CHAF1A: variants seen among roughly 807,000 people sequenced by gnomAD.
The protein encoded by CHAF1A is chromatin assembly factor 1 subunit A, also known as CAF-1 subunit A.
Under a neutral mutation model 93.2 loss-of-function variants are expected in CHAF1A, and 5 were observed. That is an observed-to-expected ratio of 0.05 (90% CI 0.03 to 0.11). The LOEUF is 0.11. Among genes scored for constraint, CHAF1A ranks in the 10% least tolerant of loss-of-function variants. The pLI is 1.00. For missense variants in CHAF1A, 1,102 were observed against 1,259.9 expected, an observed-to-expected ratio of 0.87 and a Z score of 1.90; for synonymous variants, 504 against 510.3, an observed-to-expected ratio of 0.99 and a Z score of 0.17.
In CHAF1A at chr19:4,409,790, C is replaced by G. The variant is rs925559021; in HGVS notation, c.960+31C>G. The G allele has an allele frequency of 4.5e-6, 7 of 1,571,890 alleles. No individual in the cohort carries two copies. In the African/African-American group the frequency reaches 8.1e-5, roughly 18 times the overall value. Reference sequence around the variant, plus strand: ...TATCTCCCATGGAGTCCCTGCACATCAGTGCTCACGGATCTCAGAGCGCTG... The same window carrying G: ...TATCTCCCATGGAGTCCCTGCACATGAGTGCTCACGGATCTCAGAGCGCTG... On this transcript the variant is annotated intron_variant, in intron 3 of 14. Coordinates refer to ENST00000301280, the MANE Select transcript of CHAF1A (RefSeq NM_005483.3).
In CHAF1A at chr19:4,425,539, G is replaced by A. The variant is rs114121178; in HGVS notation, c.1377+1665G>A. ...TAATTTTATTTTTAGTAGAGACTGG[G>A]TCTCACTGTGTTGCCAGGGCTGGTC... is the stretch of plus-strand genomic sequence containing the variant. On this transcript the variant is annotated intron_variant, in intron 7 of 14. Transcript: ENST00000301280. 4.2e-3 allele frequency among the ~76,000 whole-genome samples: 646 copies of A among 152,214 alleles called. 7 individuals are homozygous for A. Among genetic ancestry groups the A allele is most frequent in the African/African-American group, 0.015 (619 of 41,524 alleles).
At chr19:4,446,196 G>A, downstream of CHAF1A, 4 of 1,601,892 alleles carry the variant, frequency 2.5e-6, no homozygotes, top group East Asian at 4.5e-5. Flanking sequence ...CGTAGAAAGT[G>A]CCTGGGGAGT....
At chr19:4,408,479 T>C (rs1376886030) in intron 2 of CHAF1A, among the ~76,000 whole-genome samples, 1 of 115,860 alleles carries the variant, frequency 8.6e-6, no homozygotes, top group East Asian at 2.5e-4. Flanking sequence ...TTTTTTTTTT[T>C]TTTTTTTTTT....
intron 4 of CHAF1A, among the ~76,000 whole-genome samples, chr19:4,418,852 T>G (rs749385307): frequency 9.9e-5 from 15 of 151,972 alleles, no homozygotes; most frequent in Non-Finnish European, 2.1e-4. Context: ...CACACAGCAA[T>G]GCAGGGGGCT....
rs2145050508 is a variant in CHAF1A at position 4,402,662 on chromosome 19, G to GCGGCAGCA, written c.-101_-100insCGGCAGCA. On this transcript the variant is annotated 5_prime_UTR_variant, in exon 1 of 15. Coordinates refer to ENST00000301280, the MANE Select transcript of CHAF1A (RefSeq NM_005483.3). ...CGCCAAATACGAGCGCGGCGGCCGCGGCGGCAGCAGCGGCGCGGGCGGGAG... is the reference window on the plus strand; with the variant it reads ...CGCCAAATACGAGCGCGGCGGCCGCGCGGCAGCAGCGGCAGCAGCGGCGCGGGCGGGAG... 7.3e-6 allele frequency: 5 copies of GCGGCAGCA among 684,374 alleles called. No individual in the cohort carries two copies. The highest frequency in any genetic ancestry group is 4.9e-5 in the Admixed American group (1 of 20,608). The allele number at this position is 684,374 out of a possible 1,614,324, so 42.4% of individuals were successfully genotyped here. A position where few individuals can be genotyped will look rare whatever the true frequency, so the allele number is the denominator to read the frequency against.
downstream of CHAF1A, chr19:4,447,027 A>C: frequency 1.8e-6 from 2 of 1,138,410 alleles, no homozygotes; most frequent in Admixed American, 2.2e-5. Context: ...GCAGCTGTCG[A>C]CCCCTGGATG....
chr19:4,402,894 C>T, intron 1 of CHAF1A, 80 bp downstream of exon 1: 1 of 866,086 alleles, frequency 1.2e-6, no homozygotes, highest in Non-Finnish European at 1.5e-6. Flanking sequence ...GGGAGGCGGA[C>T]GGGCCTCCGG....
At chr19:4,404,236 G>C (rs1287442373) in intron 1 of CHAF1A, among the ~76,000 whole-genome samples, 1 of 152,190 alleles carries the variant, frequency 6.6e-6, no homozygotes, top group Non-Finnish European at 1.5e-5. Flanking sequence ...AGAATAAAGA[G>C]CAGTTAGTAA....
chr19:4,426,459 TGCCCG>T (rs1974083596), intron 7 of CHAF1A, among the ~76,000 whole-genome samples: 1 of 145,636 alleles, frequency 6.9e-6, no homozygotes, highest in Non-Finnish European at 1.5e-5. Context: ...TGAGCCACCG[TGCCCG>T]GCCTTTGTTG....
At chr19:4,446,225 G>A (rs1397403267), downstream of CHAF1A, 1 of 1,582,248 alleles carries the variant, frequency 6.3e-7, no homozygotes, top group East Asian at 2.3e-5. Flanking sequence ...CAGAGCGGGT[G>A]GGGCCCAGGG....
intron 13 of CHAF1A, among the ~76,000 whole-genome samples, chr19:4,439,575 G>A (rs577706583): frequency 1.3e-5 from 2 of 152,314 alleles, no homozygotes; most frequent in South Asian, 2.1e-4. Flanking sequence ...ATGTGTCAAC[G>A]CGTCTCCTGT....
chr19:4,435,022 A>G (rs1974256144), intron 13 of CHAF1A, among the ~76,000 whole-genome samples: 1 of 147,378 alleles, frequency 6.8e-6, no homozygotes, highest in South Asian at 2.1e-4. Flanking sequence ...GTTAACGTTC[A>G]TTGCATACTT....
downstream of CHAF1A, chr19:4,443,455 A>G (rs1048969342): frequency 3.2e-5 from 6 of 189,386 alleles, no homozygotes; most frequent in African/African-American, 4.7e-5. Flanking sequence ...CACCTTGCCC[A>G]TGGCCCGGCC....
At chr19:4,411,962 A>G (rs541055244) in intron 3 of CHAF1A, among the ~76,000 whole-genome samples, 1 of 151,916 alleles carries the variant, frequency 6.6e-6, no homozygotes, top group African/African-American at 2.4e-5. Flanking sequence ...ACTTTGTTTT[A>G]TATGTGCTGG....
downstream of CHAF1A, chr19:4,448,677 G>A: frequency 3.8e-6 from 2 of 519,828 alleles, no homozygotes; most frequent in Admixed American, 3.2e-5. Flanking sequence ...CATGGGACTT[G>A]GAAGCCAGTG....
At chr19:4,426,395 C>A (rs1268802603) in intron 7 of CHAF1A, among the ~76,000 whole-genome samples, 1 of 151,974 alleles carries the variant, frequency 6.6e-6, no homozygotes, top group African/African-American at 2.4e-5. Flanking sequence ...GTCTCGATCT[C>A]CTGACCTTGT....
chr19:4,445,507 C>G, downstream of CHAF1A: 1 of 1,613,940 alleles, frequency 6.2e-7, no homozygotes, highest in South Asian at 1.1e-5. Context: ...TTCACAAGAG[C>G]TTCTCGATGG....
At position 4,409,756 on chromosome 19, in the gene CHAF1A, C is replaced by G. The variant is rs200473985; in HGVS notation, c.957C>G (p.Arg319=). The change falls in exon 3 of 15, where the codon CGC becomes CGG. Residue 319 remains arginine, a synonymous_variant. Coordinates refer to ENST00000301280, the MANE Select transcript of CHAF1A (RefSeq NM_005483.3). ...CCTTCCCCACCTCCACGCCCCTCCG[C>G]AGAGTGAGTATCTCCCATGGAGTCC... ...TSPFPTSTPL[R]RITKKFVKGS... is the part of the protein sequence containing the mutation. 1.7e-5 allele frequency: 28 copies of G among 1,606,426 alleles called. No individual in the cohort carries two copies. Among genetic ancestry groups the G allele is most frequent in the East Asian group, 2.2e-5 (1 of 44,698 alleles).
intron 13 of CHAF1A, among the ~76,000 whole-genome samples, chr19:4,439,383 G>A (rs1974345582): frequency 6.6e-6 from 1 of 152,160 alleles, no homozygotes; most frequent in Non-Finnish European, 1.5e-5. Flanking sequence ...CGTAGTCTGC[G>A]CTCCTCCGTG....
Sources: gnomAD v4.1 joint callset for allele counts (sites outside exome capture counted in the v4.1 genomes callset) on GRCh38, gnomAD v4.1.1 for gene constraint, MANE v1.5 for transcripts, NCBI Gene and HGNC (gene_info 2026-07-23, HGNC 2026-07-21) for gene names.